Variants in NCKAP5 observed in about 807,000 individuals in gnomAD.
The protein encoded by NCKAP5 is nck-associated protein 5.
Under a neutral mutation model 167.0 loss-of-function variants are expected in NCKAP5, and 92 were observed. The observed-to-expected ratio is 0.55, with a 90% CI of 0.47 to 0.66. The LOEUF (loss-of-function observed/expected upper bound fraction) is 0.66. NCKAP5 is among the 30% of genes least tolerant of loss of function. The probability of loss-of-function intolerance (pLI) is 0.00; values close to 1 mark genes in which losing one functional copy is unlikely to be tolerated. For synonymous variants in NCKAP5, 891 were observed against 877.4 expected, an observed-to-expected ratio of 1.02 and a Z score of -0.27; for missense variants, 2,378 against 2,315.0, an observed-to-expected ratio of 1.03 and a Z score of -0.56.
chr2:133,170,236 G>A (rs1365697585), intron 5 of NCKAP5, among the ~76,000 whole-genome samples: 2 of 152,128 alleles, frequency 1.3e-5, no homozygotes, highest in African/African-American at 2.4e-5. Context: ...GGCTGGGAAC[G>A]TGGGTGAGGG....
the NCKAP5 span, among the ~76,000 whole-genome samples, chr2:133,595,738 C>T: frequency 6.6e-6 from 1 of 152,100 alleles, no homozygotes; most frequent in Non-Finnish European, 1.5e-5. Context: ...GCCATACAGT[C>T]TCTGTTGAAA....
At chr2:133,003,935 G>C (rs2077872495) in intron 6 of NCKAP5, among the ~76,000 whole-genome samples, 1 of 152,220 alleles carries the variant, frequency 6.6e-6, no homozygotes, top group South Asian at 2.1e-4. Context: ...TGCACGGAGA[G>C]AGGCCGATTG....
intron 11 of NCKAP5, among the ~76,000 whole-genome samples, chr2:132,823,155 C>A (rs1308283550): frequency 1.3e-5 from 2 of 152,114 alleles, no homozygotes; most frequent in Non-Finnish European, 2.9e-5. Context: ...GAAGACTTGG[C>A]CTTGCTATAG....
the NCKAP5 span, among the ~76,000 whole-genome samples, chr2:133,632,693 T>C: frequency 2.6e-5 from 4 of 152,324 alleles, no homozygotes; most frequent in East Asian, 7.7e-4. Flanking sequence ...ACATTCTGTA[T>C]TCACCAAGAT....
intron 19 of NCKAP5, among the ~76,000 whole-genome samples, chr2:132,674,966 GCC>G (rs759273537): frequency 1.3e-5 from 2 of 152,116 alleles, no homozygotes; most frequent in Non-Finnish European, 2.9e-5. Context: ...CCATCCAAGG[GCC>G]CCTTTCAACA....
intron 8 of NCKAP5, among the ~76,000 whole-genome samples, chr2:132,888,632 C>T (rs375650826): frequency 6.6e-6 from 1 of 152,134 alleles, no homozygotes; most frequent in East Asian, 1.9e-4. Context: ...CTCAAGTGAT[C>T]CACCCACCTC....
rs1004435771 is a variant in NCKAP5, at chr2:133,116,503, A to G, written c.341+13475T>C. 3.1e-3 allele frequency among the ~76,000 whole-genome samples: 264 copies of G among 85,086 alleles called. 42 individuals carry two copies. The highest frequency in any genetic ancestry group is 0.016 in the African/African-American group (246 of 15,514). The allele number at this position is 85,086 out of a possible 152,430, so 55.8% of individuals were successfully genotyped here. A position where few individuals can be genotyped will look rare whatever the true frequency, so the allele number is the denominator to read the frequency against. ...ACTCCGTCTCAAAAAAAAAAAAAAA[A>G]AAAAAAAAAAAAAGAAAAATTTGTC... On this transcript the variant is annotated intron_variant, in intron 6 of 19. Coordinates refer to ENST00000409261, the MANE Select transcript of NCKAP5 (RefSeq NM_207363.3).
At chr2:133,094,819 T>A (rs1265712465) in intron 6 of NCKAP5, among the ~76,000 whole-genome samples, 2 of 152,078 alleles carry the variant, frequency 1.3e-5, no homozygotes, top group Non-Finnish European at 2.9e-5. Context: ...TTCAGAGAGA[T>A]TCAAAGCATA....
chr2:133,524,944 G>A (rs541763324), intron 2 of NCKAP5, among the ~76,000 whole-genome samples: 1 of 152,260 alleles, frequency 6.6e-6, no homozygotes, highest in African/African-American at 2.4e-5. Flanking sequence ...GTATGAGCAT[G>A]TGTGTACATG....
chr2:133,298,492 A>C (rs899985981), intron 4 of NCKAP5, among the ~76,000 whole-genome samples: 2 of 152,222 alleles, frequency 1.3e-5, no homozygotes, highest in South Asian at 2.1e-4. Context: ...ATGGAATTTT[A>C]ATTTAATCAT....
intron 5 of NCKAP5, among the ~76,000 whole-genome samples, chr2:133,149,274 C>A (rs1395716771): frequency 1.3e-5 from 2 of 152,076 alleles, no homozygotes; most frequent in Admixed American, 1.3e-4. Flanking sequence ...ATCACTTTTG[C>A]CACATTTCTC....
chr2:133,009,448 CGT>C (rs2078078205), intron 6 of NCKAP5, among the ~76,000 whole-genome samples: 1 of 151,976 alleles, frequency 6.6e-6, no homozygotes, highest in South Asian at 2.1e-4. Context: ...TCATTTGAGG[CGT>C]ATTAGATGCT....
chr2:133,273,648 G>A (rs2089607119), intron 4 of NCKAP5, among the ~76,000 whole-genome samples: 1 of 151,808 alleles, frequency 6.6e-6, no homozygotes, highest in South Asian at 2.1e-4. Flanking sequence ...AATTAAGGAG[G>A]CTCTCAAAAA....
chr2:133,369,436 T>A (rs190144629), intron 3 of NCKAP5, among the ~76,000 whole-genome samples: 1 of 152,206 alleles, frequency 6.6e-6, no homozygotes, highest in Non-Finnish European at 1.5e-5. Context: ...GGGTTCACTA[T>A]TTCAGAAGGC....
At chr2:132,997,122 T>C (rs2077626839) in intron 6 of NCKAP5, among the ~76,000 whole-genome samples, 1 of 152,210 alleles carries the variant, frequency 6.6e-6, no homozygotes, top group Non-Finnish European at 1.5e-5. Flanking sequence ...AGGAAGCCCA[T>C]TGCAGTAGGC....
At chr2:133,471,661 A>G (rs1416899250) in intron 3 of NCKAP5, among the ~76,000 whole-genome samples, 1 of 152,134 alleles carries the variant, frequency 6.6e-6, no homozygotes, top group African/African-American at 2.4e-5. Flanking sequence ...CTTTGGATAC[A>G]CAGTTAACAT....
At chr2:133,180,359 G>C (rs1423579423) in intron 5 of NCKAP5, among the ~76,000 whole-genome samples, 1 of 151,944 alleles carries the variant, frequency 6.6e-6, no homozygotes, top group East Asian at 1.9e-4. Flanking sequence ...CTTTGAAACA[G>C]GGTCTCACTG....
intron 3 of NCKAP5, among the ~76,000 whole-genome samples, chr2:133,362,748 TTTGTTG>T (rs80322357): frequency 1.6e-4 from 24 of 151,282 alleles, no homozygotes; most frequent in Admixed American, 3.9e-4. Context: ...CATGTATTTC[TTTGTTG>T]TTGTTGTTGT....
Position 133,102,744 on chromosome 2 carries a change from AACACACACACACACACAC to A in NCKAP5, c.341+27216_341+27233del, listed in dbSNP as rs3051212. Among the ~76,000 whole-genome samples, 470 of 135,218 alleles carry A rather than the reference AACACACACACACACACAC, an allele frequency of 3.5e-3. 1 individual carries two copies. The highest frequency in any genetic ancestry group is 0.011 in the African/African-American group (418 of 37,360). The allele number at this position is 135,218 out of a possible 152,430, so 88.7% of individuals were successfully genotyped here. On this transcript the variant is annotated intron_variant, in intron 6 of 19. Coordinates refer to ENST00000409261, the MANE Select transcript of NCKAP5 (RefSeq NM_207363.3). ...AACTGACAGGTTAGACAAGCATGTA[AACACACACACACACACAC>A]ACACACACACACACACACACACACA...
Sources: gnomAD v4.1 joint callset for allele counts (sites outside exome capture counted in the v4.1 genomes callset) on GRCh38, gnomAD v4.1.1 for gene constraint, MANE v1.5 for transcripts, NCBI Gene and HGNC (gene_info 2026-07-23, HGNC 2026-07-21) for gene names.